CHD2: variants seen among roughly 807,000 people sequenced by gnomAD.
CHD2 encodes ATP-dependent chromatin remodeler CHD2.
A neutral mutation model predicts 243.9 loss-of-function variants in CHD2; 28 were observed. The ratio of observed to expected loss-of-function variants is 0.11; its 90% CI spans 0.09 to 0.16. The LOEUF is 0.16. Ranked by LOEUF, CHD2 falls within the 10% of genes least tolerant of loss-of-function variation. The probability of loss-of-function intolerance (pLI) is 1.00; values close to 1 mark genes in which losing one functional copy is unlikely to be tolerated. For synonymous variants in CHD2, 775 were observed against 779.0 expected, an observed-to-expected ratio of 0.99 and a Z score of 0.09; for missense variants, 1,386 against 2,209.8, an observed-to-expected ratio of 0.63 and a Z score of 7.47.
intron 5 of CHD2, among the ~76,000 whole-genome samples, chr15:92,936,308 T>G (rs1351313538): frequency 6.6e-6 from 1 of 152,208 alleles, no homozygotes; most frequent in Non-Finnish European, 1.5e-5. Flanking sequence ...GCTGTTGTCT[T>G]TAGTATGACC....
At chr15:92,989,324 G>A (rs2054087855) in intron 26 of CHD2, among the ~76,000 whole-genome samples, 1 of 152,072 alleles carries the variant, frequency 6.6e-6, no homozygotes, top group East Asian at 1.9e-4. Flanking sequence ...GAGCCACCAT[G>A]CCCAGCTTAC....
intron 13 of CHD2, 76 bp from the exon 14 acceptor site, chr15:92,953,281 C>T (rs564300580): frequency 1.2e-5 from 14 of 1,163,826 alleles, no homozygotes; most frequent in South Asian, 2.6e-5. Context: ...GCATTGGTGT[C>T]GTTGCTGTTT....
intron 5 of CHD2, among the ~76,000 whole-genome samples, chr15:92,929,690 A>AT (rs2053129518): frequency 6.6e-6 from 1 of 152,174 alleles, no homozygotes; most frequent in Non-Finnish European, 1.5e-5. Context: ...TTTTAAAGTC[A>AT]TTTTTTGGAG....
At chr15:93,021,458 C>T (rs2054534034) in intron 38 of CHD2, 1 of 151,950 alleles carries the variant, frequency 6.6e-6, no homozygotes, top group Non-Finnish European at 1.5e-5. Context: ...TTTTCTGATC[C>T]CCCACTCTCT....
rs1273870175 is a variant in CHD2, at chr15:93,025,908, A to T, written c.*1203A>T. 6.6e-6 allele frequency: 1 copy of T among 152,302 alleles called. No homozygotes were observed. The highest frequency in any genetic ancestry group is 2.4e-5 in the African/African-American group (1 of 41,470). 9.4% of individuals were successfully genotyped at this position (152,302 alleles called of 1,614,324 possible). A position where few individuals can be genotyped will look rare whatever the true frequency, so the allele number is the denominator to read the frequency against. Reference sequence around the variant, plus strand: ...CCTGTGGTGAACAAGTTTCTACTGTAGTTGGAGATCATTAGAATTGAATTC... The same window carrying T: ...CCTGTGGTGAACAAGTTTCTACTGTTGTTGGAGATCATTAGAATTGAATTC... On this transcript the variant is annotated 3_prime_UTR_variant, in exon 39 of 39. Coordinates refer to ENST00000394196, the MANE Select transcript of CHD2 (RefSeq NM_001271.4).
chr15:92,969,654 A>G (rs866011031), intron 17 of CHD2, among the ~76,000 whole-genome samples: 3 of 152,232 alleles, frequency 2.0e-5, no homozygotes, highest in South Asian at 2.1e-4. Flanking sequence ...GTAAAAATAC[A>G]TGATGAACAG....
chr15:92,992,987 A>T lies in CHD2; in HGVS notation c.3584A>T (p.Asn1195Ile), dbSNP rs1260620410. 1 of 1,613,620 alleles carries T rather than the reference A, an allele frequency of 6.2e-7. No individual in the cohort carries two copies. Among genetic ancestry groups the T allele is most frequent in the Admixed American group, 1.7e-5 (1 of 60,006 alleles). The change falls in exon 28 of 39, where the codon AAT becomes ATT. Residue 1195 changes from asparagine to isoleucine, a missense_variant. By Grantham distance (149) the Asn-to-Ile change is moderately radical. Transcript: ENST00000394196. ...MQEYEEQLKE[N>I]ASEGKGPGKR... Reference sequence around the variant, plus strand: ...GAATACGAAGAGCAGCTGAAAGAAAATGCCAGCGAGGGTAAGCGAAGTTGG... The same window carrying T: ...GAATACGAAGAGCAGCTGAAAGAAATTGCCAGCGAGGGTAAGCGAAGTTGG...
chr15:93,020,523 A>C, intron 38 of CHD2: 1 of 596,456 alleles, frequency 1.7e-6, no homozygotes, highest in Non-Finnish European at 3.0e-6. Flanking sequence ...ATAAAATATT[A>C]GAGTCAACAA....
At chr15:92,904,772 T>C in intron 2 of CHD2, 1 of 1,402,170 alleles carries the variant, frequency 7.1e-7, no homozygotes, top group Non-Finnish European at 9.2e-7. Flanking sequence ...TAGCGTCCCT[T>C]CTCCCCGCCC....
At chr15:92,953,805 G>T in intron 14 of CHD2, 1 of 513,528 alleles carries the variant, frequency 1.9e-6, no homozygotes, top group Non-Finnish European at 3.4e-6. Context: ...ATCTCTTTTA[G>T]CTGGGTTGCA....
chr15:93,011,617 C>A (rs1052536117), intron 35 of CHD2, among the ~76,000 whole-genome samples: 26 of 152,134 alleles, frequency 1.7e-4, no homozygotes, highest in Non-Finnish European at 4.4e-5. Flanking sequence ...GTGAAACTAC[C>A]TGTTAGGAAG....
At chr15:92,945,787 T>C (rs1006831941) in intron 10 of CHD2, 34 bp from the exon 11 acceptor site, 5 of 1,412,440 alleles carry the variant, frequency 3.5e-6, no homozygotes, top group African/African-American at 2.9e-5. Flanking sequence ...TCATTGTGTT[T>C]ATAACTTTTC....
At chr15:92,971,461 G>T (rs935670285) in intron 17 of CHD2, among the ~76,000 whole-genome samples, 1 of 151,950 alleles carries the variant, frequency 6.6e-6, no homozygotes. Flanking sequence ...GTGTGTGTGT[G>T]TATATATGTA....
At chr15:92,948,876 A>G in intron 12 of CHD2, 76 bp from the exon 13 acceptor site, 1 of 1,479,134 alleles carries the variant, frequency 6.8e-7, no homozygotes, top group Non-Finnish European at 9.2e-7. Context: ...TTGATGCCGA[A>G]TATGTGAATT....
chr15:92,981,641 G>T (rs1204562619), intron 24 of CHD2, among the ~76,000 whole-genome samples, 184 bp downstream of exon 24: 1 of 152,210 alleles, frequency 6.6e-6, no homozygotes, highest in Admixed American at 6.5e-5. Context: ...CCGCACGAAG[G>T]TAATCACTGA....
intron 5 of CHD2, among the ~76,000 whole-genome samples, chr15:92,929,415 G>T (rs969869214): frequency 6.6e-6 from 1 of 152,008 alleles, no homozygotes; most frequent in African/African-American, 2.4e-5. Flanking sequence ...CAAGTACACA[G>T]GTATTTGGTA....
intron 6 of CHD2, among the ~76,000 whole-genome samples, 181 bp from the exon 7 acceptor site, chr15:92,939,397 C>G (rs1020461817): frequency 3.2e-4 from 49 of 152,160 alleles, no homozygotes; most frequent in African/African-American, 1.2e-3. Flanking sequence ...TGTTGGAAAT[C>G]CAGATTTCTA....
chr15:92,926,734 A>G (rs1367485856), intron 3 of CHD2, among the ~76,000 whole-genome samples: 1 of 152,210 alleles, frequency 6.6e-6, no homozygotes, highest in Non-Finnish European at 1.5e-5. Flanking sequence ...CTTCTAGCTA[A>G]GTGTTAGCAA....
chr15:92,953,405 C>T lies in CHD2; in HGVS notation c.1551C>T (p.Ile517=). 1 of 1,614,092 alleles carries T rather than the reference C, an allele frequency of 6.2e-7. No homozygotes were observed. The highest frequency in any genetic ancestry group is 8.5e-7 in the Non-Finnish European group (1 of 1,179,998). Residue 517 remains isoleucine (I), a synonymous_variant, in exon 14 of 39, where the codon ATC becomes ATT. Coordinates refer to ENST00000394196, the MANE Select transcript of CHD2 (RefSeq NM_001271.4). ...LADEMGLGKT[I]QTISFLSYLF... Reference sequence around the variant, plus strand: ...ATGAAATGGGCCTAGGAAAGACCATCCAGACCATATCATTCCTCTCCTACC... The same window carrying T: ...ATGAAATGGGCCTAGGAAAGACCATTCAGACCATATCATTCCTCTCCTACC...
Sources: allele counts gnomAD v4.1 joint callset (sites outside exome capture counted in the v4.1 genomes callset), GRCh38; gene constraint gnomAD v4.1.1; transcripts MANE v1.5; gene names NCBI Gene and HGNC (gene_info 2026-07-23, HGNC 2026-07-21).